Variants in CCDC22 observed in about 807,000 individuals in gnomAD.
The protein encoded by CCDC22 is CCC complex scaffolding subunit CCDC22, also known as coiled-coil domain-containing protein 22.
Under a neutral mutation model 53.1 loss-of-function variants are expected in CCDC22, and 4 were observed. The observed-to-expected ratio is 0.08, with a 90% confidence interval of 0.04 to 0.17. The LOEUF (loss-of-function observed/expected upper bound fraction) is 0.17, where lower values mean the gene tolerates loss of function less well. Ranked by LOEUF, CCDC22 falls within the 10% of genes least tolerant of loss-of-function variation. CCDC22 has a pLI of 1.00. For synonymous variants in CCDC22, 222 were observed against 224.4 expected, an observed-to-expected ratio of 0.99 and a Z score of 0.10; for missense variants, 458 against 554.0, an observed-to-expected ratio of 0.83 and a Z score of 1.74.
chrX:49,244,116 C>T (rs1271554494), intron 6 of CCDC22, among the ~76,000 whole-genome samples: 2 of 112,294 alleles, frequency 1.8e-5, no homozygotes, highest in Non-Finnish European at 3.8e-5. Flanking sequence ...CTGCACTTGT[C>T]ACTGATGTTC....
intron 2 of CCDC22, among the ~76,000 whole-genome samples, chrX:49,241,486 CAAA>C (rs386416987): frequency 0.064 from 4,284 of 66,626 alleles, 336 homozygotes; most frequent in African/African-American, 0.23. Context: ...GACCCTGTCT[CAAA>C]AAAAAAAAAA....
At position 49,248,567 on chromosome X, in the gene CCDC22, C is replaced by A. The variant is rs181660710; in HGVS notation, c.1329+44C>A. 2.5e-6 allele frequency: 3 copies of A among 1,194,819 alleles called. No homozygotes were observed. The South Asian group carries it at 5.4e-5, about 21-fold the overall frequency. ...GGCTGTGGGCGGGCCAGGGCAGGCTCGGTCCCTCTCTAGGGGGCCATCCCT... is the reference window on the plus strand; with the variant it reads ...GGCTGTGGGCGGGCCAGGGCAGGCTAGGTCCCTCTCTAGGGGGCCATCCCT... On this transcript the variant is annotated intron_variant, in intron 11 of 16. Coordinates refer to ENST00000376227, the MANE Select transcript of CCDC22 (RefSeq NM_014008.5).
chrX:49,246,701 C>T, intron 6 of CCDC22, 30 bp from the exon 7 acceptor site: 1 of 1,103,663 alleles, frequency 9.1e-7, no homozygotes, highest in South Asian at 2.3e-5. Flanking sequence ...GCCCCTACAC[C>T]TTCCTGCTTC....
In CCDC22 at chrX:49,249,763, C is replaced by G. The variant is rs200302150; in HGVS notation, c.1770+38C>G. ...GGCAGGATGGGGAGCCAAGGCGGGC[C>G]GGGGGGACAGTTCCTCAGGTTATGC... On this transcript the variant is annotated intron_variant, in intron 16 of 16. Coordinates refer to ENST00000376227, the MANE Select transcript of CCDC22 (RefSeq NM_014008.5). 1.0e-5 allele frequency: 11 copies of G among 1,079,369 alleles called. No homozygotes were observed. The East Asian group carries it at 2.4e-4, about 24-fold the overall frequency. 89.0% of individuals were successfully genotyped at this position (1,079,369 alleles called of 1,213,427 possible).
intron 6 of CCDC22, among the ~76,000 whole-genome samples, chrX:49,245,718 G>C (rs1557114080): frequency 8.9e-6 from 1 of 112,382 alleles, no homozygotes; most frequent in African/African-American, 3.2e-5. Flanking sequence ...CATAAATGTA[G>C]AGAGAATATT....
At chrX:49,239,140 G>A (rs782286472) in intron 2 of CCDC22, among the ~76,000 whole-genome samples, 1 of 110,789 alleles carries the variant, frequency 9.0e-6, no homozygotes, top group South Asian at 3.8e-4. Context: ...CACTGTGCCC[G>A]GCTAATTTTT....
rs782467988 is a variant in CCDC22 at position 49,242,955 on chromosome X, C to T, written c.431C>T (p.Pro144Leu). 2.2e-5 allele frequency: 26 copies of T among 1,165,340 alleles called. No individual in the cohort carries two copies. The highest frequency in any genetic ancestry group is 5.0e-5 in the Admixed American group (2 of 40,313). Residue 144 changes from proline to leucine, a missense_variant, in exon 4 of 17, where the codon CCG (proline) becomes CTG (leucine). By Grantham distance (98) the Pro-to-Leu change is moderately conservative. This residue lies in a region of CCDC22 where 309 missense variants were observed against 312.3 expected (regional missense o/e 0.99). Transcript: ENST00000376227. Reference protein sequence around the residue: ...IRDQLALPWVPPHLRTPKLQH... With the variant: ...IRDQLALPWVLPHLRTPKLQH... ...GACCAGCTGGCACTGCCTTGGGTCCCGCCCCACCTTCGCACTCCCAAGCTG... is the reference window on the plus strand; with the variant it reads ...GACCAGCTGGCACTGCCTTGGGTCCTGCCCCACCTTCGCACTCCCAAGCTG...
In CCDC22 at chrX:49,242,927, C is replaced by G. The variant is rs1557113578; in HGVS notation, c.403C>G (p.Arg135Gly). The change falls in exon 4 of 17, where the codon CGG becomes GGG. Residue 135 changes from arginine (R) to glycine (G), a missense_variant. Transcript: ENST00000376227. ...ILLRAIGSQIRDQLALPWVPP... is the reference protein window; with the variant it reads ...ILLRAIGSQIGDQLALPWVPP... Reference sequence around the variant, plus strand: ...CCTCCGGGCCATTGGGAGCCAAATTCGGGACCAGCTGGCACTGCCTTGGGT... The same window carrying G: ...CCTCCGGGCCATTGGGAGCCAAATTGGGGACCAGCTGGCACTGCCTTGGGT... The G allele has an allele frequency of 2.6e-6, 3 of 1,170,087 alleles. No homozygotes were observed. Among genetic ancestry groups the G allele is most frequent in the Non-Finnish European group, 3.4e-6 (3 of 873,353 alleles).
intron 14 of CCDC22, 25 bp downstream of exon 14, chrX:49,249,287 G>A: frequency 9.1e-7 from 1 of 1,094,808 alleles, no homozygotes; most frequent in Non-Finnish European, 1.3e-6. Flanking sequence ...GGGCGGGGGT[G>A]AGTGGGGTGA....
Position 49,248,740 on chromosome X carries a change from GC to G in CCDC22, c.1431+8del. The G allele has an allele frequency of 8.3e-7, 1 of 1,208,862 alleles. No homozygotes were observed. Among genetic ancestry groups the G allele is most frequent in the Admixed American group, 2.2e-5 (1 of 45,702 alleles). On this transcript the variant is annotated splice_region_variant and intron_variant, in intron 12 of 16. Transcript: ENST00000376227. ...AGGAGGTCTATAAGCAGCTGGTAAG[GC>G]CTGTGTGAGGGACCTGGGTAGCTTA... is the stretch of plus-strand genomic sequence containing the variant.
chrX:49,247,821 G>C, intron 9 of CCDC22, 53 bp downstream of exon 9: 1 of 1,186,079 alleles, frequency 8.4e-7, no homozygotes, highest in Non-Finnish European at 1.1e-6. Flanking sequence ...GGAGGGCCTC[G>C]GGGTGTGAGG....
At position 49,249,497 on chromosome X, in the gene CCDC22, G is replaced by A. The variant is rs782661526; in HGVS notation, c.1636-12G>A. Reference sequence around the variant, plus strand: ...GCCCACTGATACCTTTGAGGTCCCTGTGTCTGGTCAGGATGCCAAGAAGGA... The same window carrying A: ...GCCCACTGATACCTTTGAGGTCCCTATGTCTGGTCAGGATGCCAAGAAGGA... On this transcript the variant is annotated splice_polypyrimidine_tract_variant and intron_variant, in intron 14 of 16. Coordinates refer to ENST00000376227, the MANE Select transcript of CCDC22 (RefSeq NM_014008.5). 8.3e-7 allele frequency: 1 copy of A among 1,207,191 alleles called. No homozygotes were observed. Among genetic ancestry groups the A allele is most frequent in the African/African-American group, 1.7e-5 (1 of 57,372 alleles).
rs1293198364 is a variant in CCDC22 at position 49,249,734 on chromosome X, T to TG, written c.1770+14dup. 16 of 1,192,676 alleles carry TG rather than the reference T, an allele frequency of 1.3e-5. No individual in the cohort carries two copies. Among genetic ancestry groups the TG allele is most frequent in the African/African-American group, 3.5e-5 (2 of 56,625 alleles). ...GAGACCTCGAGGAGCAGGTGAGGCC[T>TG]GGGGGCAGGATGGGGAGCCAAGGCG... On this transcript the variant is annotated intron_variant, in intron 16 of 16. Transcript: ENST00000376227.
In CCDC22 at chrX:49,242,030, C is replaced by G. The variant is rs782324596; in HGVS notation, c.243C>G (p.Pro81=). The change falls in exon 3 of 17, where the codon CCC becomes CCG. Residue 81 remains proline, a synonymous_variant. Transcript: ENST00000376227. ...CCAACCCTCAGGACCTGGGCTATCC[C>G]TTGGAGCTTGGCTATCAGAACTTCC... is the stretch of plus-strand genomic sequence containing the variant. ...LAQACMDLGY[P]LELGYQNFLY... is the part of the protein sequence containing the mutation. The G allele has an allele frequency of 1.2e-5, 14 of 1,207,954 alleles. No individual in the cohort carries two copies. In the South Asian group the frequency reaches 2.1e-4, roughly 18 times the overall value.
rs1557114490 is a variant in CCDC22, at chrX:49,247,727, G to T, written c.1051G>T (p.Val351Phe). 1.7e-6 allele frequency: 2 copies of T among 1,210,780 alleles called. No homozygotes were observed. The highest frequency in any genetic ancestry group is 2.2e-6 in the Non-Finnish European group (2 of 894,951). Residue 351 changes from valine (V) to phenylalanine (F), a missense_variant, in exon 9 of 17, where the codon GTT (valine) becomes TTT (phenylalanine). Physicochemically the swap from Val to Phe is conservative, Grantham distance 50. Transcript: ENST00000376227. ...AGGAGTGAACCGCAGCATTGAGGAG[G>T]TTGAGGCCGACATGAAGACCCTGGG... The part of the protein sequence containing the change: ...LEGVNRSIEE[V>F]EADMKTLGVS...
At chrX:49,244,595 C>T (rs2065980225) in intron 6 of CCDC22, among the ~76,000 whole-genome samples, 1 of 110,333 alleles carries the variant, frequency 9.1e-6, no homozygotes, top group Non-Finnish European at 1.9e-5. Context: ...GTGTCTCGCT[C>T]TGTCACCCAG....
chrX:49,239,566 T>C (rs1002497554), intron 2 of CCDC22, among the ~76,000 whole-genome samples: 1 of 111,070 alleles, frequency 9.0e-6, no homozygotes, highest in Non-Finnish European at 1.9e-5. Flanking sequence ...ACTGGGTGGC[T>C]AGAGTTGTTA....
At chrX:49,245,429 G>A (rs1557114030) in intron 6 of CCDC22, among the ~76,000 whole-genome samples, 1 of 111,746 alleles carries the variant, frequency 8.9e-6, no homozygotes, top group East Asian at 2.8e-4. Context: ...CTGGAGTACA[G>A]TGGTACGATC....
At chrX:49,241,741 T>G (rs1324596345) in intron 2 of CCDC22, among the ~76,000 whole-genome samples, 2 of 112,160 alleles carry the variant, frequency 1.8e-5, no homozygotes, top group African/African-American at 6.5e-5. Flanking sequence ...AATATTTTCT[T>G]TCTTTTCATG....
Sources: allele counts gnomAD v4.1 joint callset (sites outside exome capture counted in the v4.1 genomes callset), GRCh38; gene constraint gnomAD v4.1.1; regional missense constraint gnomAD v4.1.1; transcripts MANE v1.5; gene names NCBI Gene and HGNC (gene_info 2026-07-23, HGNC 2026-07-21).